The following CACNB2 variants were observed in gnomAD, a reference collection of about 807,000 sequenced individuals.
CACNB2 encodes voltage-dependent L-type calcium channel subunit beta-2.
CACNB2 carries 42 observed loss-of-function variants against 73.3 expected under a neutral mutation model. That is an observed-to-expected ratio of 0.57 (90% CI 0.45 to 0.74). CACNB2 has a LOEUF of 0.74. CACNB2 is among the 30% of genes least tolerant of loss of function. The pLI is 0.00. For synonymous variants in CACNB2, 348 were observed against 310.3 expected (o/e 1.12, Z -1.28); for missense variants, 940 against 853.0 (o/e 1.10, Z -1.27).
chr10:18,288,797 C>A (rs1258962095), intron 2 of CACNB2, among the ~76,000 whole-genome samples: 1 of 152,098 alleles, frequency 6.6e-6, no homozygotes, highest in Non-Finnish European at 1.5e-5. Context: ...ATAATCCCAG[C>A]ACTTTGGGGG....
chr10:18,203,963 G>A (rs1288048904), intron 2 of CACNB2, among the ~76,000 whole-genome samples: 1 of 152,102 alleles, frequency 6.6e-6, no homozygotes, highest in Non-Finnish European at 1.5e-5. Flanking sequence ...TTTTGTAAAG[G>A]TTGGATTTAT....
At chr10:18,177,171 A>T (rs1303721696) in intron 2 of CACNB2, among the ~76,000 whole-genome samples, 1 of 152,160 alleles carries the variant, frequency 6.6e-6, no homozygotes, top group African/African-American at 2.4e-5. Flanking sequence ...GTGCATATAC[A>T]TGTAGTAAAC....
At chr10:18,287,559 T>A (rs946659126) in intron 2 of CACNB2, among the ~76,000 whole-genome samples, 5 of 152,044 alleles carry the variant, frequency 3.3e-5, no homozygotes, top group African/African-American at 1.2e-4. Context: ...GCCTGGAAAT[T>A]CAAAAACAGG....
chr10:18,211,634 G>A (rs1381675605), intron 2 of CACNB2, among the ~76,000 whole-genome samples: 1 of 152,104 alleles, frequency 6.6e-6, no homozygotes, highest in Non-Finnish European at 1.5e-5. Context: ...AGTATTCTTA[G>A]ATGTTTTCCT....
rs1491077073 is a variant in CACNB2 at position 18,539,742 on chromosome 10, T to TTG, written c.*19_*20insGT. Reference sequence around the variant, plus strand: ...GCCAATGAGTTTTGCCCGTTTGTGTTTTTTTTTTTTTTTTTTTGAAGTCTT... The same window carrying TTG: ...GCCAATGAGTTTTGCCCGTTTGTGTTTGTTTTTTTTTTTTTTTTTGAAGTCTT... On this transcript the variant is annotated 3_prime_UTR_variant, in exon 14 of 14. Coordinates refer to ENST00000324631, the MANE Select transcript of CACNB2 (RefSeq NM_201596.3). The TTG allele has an allele frequency of 8.9e-6, 3 of 336,372 alleles. No individual in the cohort carries two copies. Among genetic ancestry groups the TTG allele is most frequent in the South Asian group, 8.2e-5 (1 of 12,262 alleles). 20.8% of individuals were successfully genotyped at this position (336,372 alleles called of 1,614,324 possible). A position where few individuals can be genotyped will look rare whatever the true frequency, so the allele number is the denominator to read the frequency against.
At chr10:18,238,165 T>C (rs2036520439) in intron 2 of CACNB2, among the ~76,000 whole-genome samples, 1 of 152,198 alleles carries the variant, frequency 6.6e-6, no homozygotes, top group Non-Finnish European at 1.5e-5. Flanking sequence ...TAACTCCCCA[T>C]GTCCACCCCA....
intron 2 of CACNB2, among the ~76,000 whole-genome samples, chr10:18,203,676 G>A (rs959404123): frequency 3.3e-5 from 5 of 152,180 alleles, no homozygotes; most frequent in African/African-American, 1.2e-4. Context: ...GGCTGTAGAG[G>A]GAACAACACA....
intron 2 of CACNB2, among the ~76,000 whole-genome samples, chr10:18,359,748 C>T (rs1446143262): frequency 1.3e-5 from 2 of 152,044 alleles, no homozygotes; most frequent in Non-Finnish European, 2.9e-5. Context: ...TGCTGTCCCT[C>T]CTCTAGCCCC....
At chr10:18,463,807 A>T (rs912417665) in intron 3 of CACNB2, among the ~76,000 whole-genome samples, 1 of 152,146 alleles carries the variant, frequency 6.6e-6, no homozygotes, top group African/African-American at 2.4e-5. Flanking sequence ...TATTATGGAC[A>T]TTATGGAGTG....
chr10:18,402,587 C>T (rs751823372), intron 3 of CACNB2, among the ~76,000 whole-genome samples: 1 of 152,182 alleles, frequency 6.6e-6, no homozygotes, highest in Non-Finnish European at 1.5e-5. Flanking sequence ...ACATGTTCTT[C>T]TCCATTCCAT....
chr10:18,165,245 C>CGA (rs1277081002), intron 2 of CACNB2, among the ~76,000 whole-genome samples: 5 of 152,126 alleles, frequency 3.3e-5, no homozygotes, highest in Non-Finnish European at 5.9e-5. Context: ...ATGCGTCATC[C>CGA]GAGAGCTCAT....
At chr10:18,401,847 C>T in intron 2 of CACNB2, 77 bp from the exon 3 acceptor site, 1 of 1,428,036 alleles carries the variant, frequency 7.0e-7, no homozygotes, top group Non-Finnish European at 9.9e-7. Flanking sequence ...GGGAAGCTAA[C>T]TGCTGTGTCG....
chr10:18,368,471 A>G (rs2042444837), intron 2 of CACNB2, among the ~76,000 whole-genome samples: 1 of 152,180 alleles, frequency 6.6e-6, no homozygotes, highest in South Asian at 2.1e-4. Flanking sequence ...CTTGCTCTCT[A>G]TTTTTATTGC....
rs369042017 is a variant in CACNB2 at position 18,210,835 on chromosome 10, A to T, written c.213+59860A>T. 2.0e-5 allele frequency among the ~76,000 whole-genome samples: 3 copies of T among 152,202 alleles called. No individual in the cohort carries two copies. The South Asian group carries it at 6.2e-4, about 31-fold the overall frequency. The stretch of plus-strand genomic sequence containing the variant: ...AATATGTATAATATATTGCATGCAC[A>T]TTATGGAAAGTGGAGTGGTAGTTGA... On this transcript the variant is annotated intron_variant, in intron 2 of 13. Transcript: ENST00000324631.
chr10:18,501,856 C>T (rs1342132564), intron 5 of CACNB2, among the ~76,000 whole-genome samples: 2 of 152,136 alleles, frequency 1.3e-5, no homozygotes, highest in Non-Finnish European at 2.9e-5. Flanking sequence ...TCCTCATTAA[C>T]TGGCTTTTCA....
intron 3 of CACNB2, among the ~76,000 whole-genome samples, chr10:18,442,365 G>A (rs1430475290): frequency 1.3e-5 from 2 of 151,956 alleles, no homozygotes; most frequent in African/African-American, 4.8e-5. Flanking sequence ...GGCCAGGCTG[G>A]TCTTAAACCC....
At chr10:18,259,152 C>T (rs188430304) in intron 2 of CACNB2, among the ~76,000 whole-genome samples, 113 of 152,236 alleles carry the variant, frequency 7.4e-4, no homozygotes, top group African/African-American at 2.6e-3. Context: ...ATAAACAAAA[C>T]ATGGAATCAT....
intron 2 of CACNB2, among the ~76,000 whole-genome samples, chr10:18,153,558 T>TTTTACTTA (rs1564299233): frequency 8.5e-6 from 1 of 117,704 alleles, no homozygotes; most frequent in African/African-American, 3.5e-5. Flanking sequence ...GCACACTAGA[T>TTTTACTTA]TTTACTTATT....
At chr10:18,306,059 C>T (rs192168252) in intron 2 of CACNB2, among the ~76,000 whole-genome samples, 3 of 152,216 alleles carry the variant, frequency 2.0e-5, no homozygotes, top group Middle Eastern at 3.4e-3. Context: ...GGGTGCAGAA[C>T]ATTTCAGGAG....
Sources: allele counts gnomAD v4.1 joint callset (sites outside exome capture counted in the v4.1 genomes callset), GRCh38; gene constraint gnomAD v4.1.1; transcripts MANE v1.5; gene names NCBI Gene and HGNC (gene_info 2026-07-23, HGNC 2026-07-21).